NARS2: variants seen among roughly 807,000 people sequenced by gnomAD.
NARS2 encodes the protein asparaginyl-tRNA synthetase.
In NARS2, 60 loss-of-function variants were observed where a neutral mutation model predicts 62.9. The observed-to-expected ratio is 0.95, with a 90% CI of 0.77 to 1.18. The LOEUF (loss-of-function observed/expected upper bound fraction) is 1.18, where lower values mean the gene tolerates loss of function less well. NARS2 is among the 50% of genes most tolerant of loss of function. NARS2 has a pLI of 0.00. For missense variants in NARS2, 619 were observed against 576.4 expected, an observed-to-expected ratio of 1.07 and a Z score of -0.76; for synonymous variants, 196 against 200.0, an observed-to-expected ratio of 0.98 and a Z score of 0.17.
At chr11:78,545,021 T>C (rs1357994032) in intron 5 of NARS2, among the ~76,000 whole-genome samples, 1 of 152,124 alleles carries the variant, frequency 6.6e-6, no homozygotes, top group Non-Finnish European at 1.5e-5. Context: ...GTTTAAGTCC[T>C]AATTTATAGT....
At chr11:78,463,650 C>T (rs1372114494) in intron 11 of NARS2, among the ~76,000 whole-genome samples, 1 of 148,308 alleles carries the variant, frequency 6.7e-6, no homozygotes, top group African/African-American at 2.5e-5. Flanking sequence ...CACGCCATTG[C>T]ACCCCAGCCT....
At chr11:78,549,692 T>C (rs1856020634) in intron 5 of NARS2, among the ~76,000 whole-genome samples, 1 of 152,122 alleles carries the variant, frequency 6.6e-6, no homozygotes, top group South Asian at 2.1e-4. Context: ...TTGAAAACAA[T>C]AGCACAATCA....
chr11:78,458,036 G>A (rs957593498), intron 11 of NARS2, among the ~76,000 whole-genome samples: 2 of 152,116 alleles, frequency 1.3e-5, no homozygotes, highest in Non-Finnish European at 2.9e-5. Context: ...TAGGAGGAAT[G>A]AGTGCTGGTA....
intron 5 of NARS2, among the ~76,000 whole-genome samples, chr11:78,556,193 T>G (rs1274380661): frequency 6.6e-6 from 1 of 152,188 alleles, no homozygotes; most frequent in East Asian, 1.9e-4. Flanking sequence ...ACATTATTGC[T>G]CTTACCTGGA....
rs957086603 is a variant in NARS2 at position 78,574,844 on chromosome 11, C to G, written c.-356G>C. ...CCACTCCTACCACACCACGCCAACG[C>G]CGCTTACGTCATCACGCTACGGGGA... is the stretch of plus-strand genomic sequence containing the variant. On this transcript the variant is annotated 5_prime_UTR_variant, in exon 1 of 14. Coordinates refer to ENST00000281038, the MANE Select transcript of NARS2 (RefSeq NM_024678.6). 4.3e-6 allele frequency: 1 copy of G among 232,730 alleles called. No individual in the cohort carries two copies. The highest frequency in any genetic ancestry group is 2.3e-5 in the African/African-American group (1 of 43,624). The allele number at this position is 232,730 out of a possible 1,614,324, so 14.4% of individuals were successfully genotyped here. A position where few individuals can be genotyped will look rare whatever the true frequency, so the allele number is the denominator to read the frequency against.
rs1458223823 is a variant in NARS2, at chr11:78,436,595, A to G, written c.*75T>C. ...AAATCTGCATTTCTAAAATCCAAACATGCATTCTGCTGTATGCACAATCAT... is the reference window on the plus strand; with the variant it reads ...AAATCTGCATTTCTAAAATCCAAACGTGCATTCTGCTGTATGCACAATCAT... On this transcript the variant is annotated 3_prime_UTR_variant, in exon 14 of 14. Coordinates refer to ENST00000281038, the MANE Select transcript of NARS2 (RefSeq NM_024678.6). 2 of 1,437,216 alleles carry G rather than the reference A, an allele frequency of 1.4e-6. No homozygotes were observed. Among genetic ancestry groups the G allele is most frequent in the African/African-American group, 2.9e-5 (2 of 70,136 alleles). The allele number at this position is 1,437,216 out of a possible 1,614,324, so 89.0% of individuals were successfully genotyped here. A position where few individuals can be genotyped will look rare whatever the true frequency, so the allele number is the denominator to read the frequency against.
At chr11:78,570,337 G>A (rs1249421161) in intron 2 of NARS2, among the ~76,000 whole-genome samples, 2 of 152,106 alleles carry the variant, frequency 1.3e-5, no homozygotes, top group African/African-American at 4.8e-5. Context: ...TAACAAATTA[G>A]AATAATGTTC....
chr11:78,515,550 G>C (rs1041687971), intron 6 of NARS2, among the ~76,000 whole-genome samples: 10 of 152,092 alleles, frequency 6.6e-5, no homozygotes, highest in Non-Finnish European at 1.0e-4. Context: ...ACAGGGTCTG[G>C]TTCTGTTACT....
intron 5 of NARS2, among the ~76,000 whole-genome samples, chr11:78,558,837 C>T (rs1395462947): frequency 6.6e-6 from 1 of 152,138 alleles, no homozygotes; most frequent in Non-Finnish European, 1.5e-5. Context: ...ATGATATTCA[C>T]ATGTATACTC....
chr11:78,516,787 C>G (rs1303880379), intron 6 of NARS2, among the ~76,000 whole-genome samples: 1 of 152,048 alleles, frequency 6.6e-6, no homozygotes, highest in East Asian at 1.9e-4. Flanking sequence ...GATAGAAACC[C>G]CTTTCCAATA....
At chr11:78,531,425 C>T (rs543490881) in intron 5 of NARS2, among the ~76,000 whole-genome samples, 6 of 151,778 alleles carry the variant, frequency 4.0e-5, no homozygotes, top group Non-Finnish European at 8.8e-5. Context: ...TAAGGGGTTG[C>T]GGTTACTAGG....
chr11:78,492,634 G>C (rs1345505431), intron 7 of NARS2, among the ~76,000 whole-genome samples: 1 of 152,162 alleles, frequency 6.6e-6, no homozygotes, highest in Non-Finnish European at 1.5e-5. Context: ...AAGTATTACA[G>C]ACATTTATAT....
intron 10 of NARS2, among the ~76,000 whole-genome samples, chr11:78,467,332 A>G (rs1450320933): frequency 6.6e-6 from 1 of 152,160 alleles, no homozygotes; most frequent in Non-Finnish European, 1.5e-5. Flanking sequence ...GCTTGAGCAC[A>G]GAAGCCCGAG....
intron 12 of NARS2, among the ~76,000 whole-genome samples, chr11:78,443,321 C>A (rs7952523): frequency 7.5e-6 from 1 of 133,072 alleles, no homozygotes; most frequent in African/African-American, 3.2e-5. Context: ...AGCAAGACTC[C>A]GTCTCAAAAA....
chr11:78,461,602 T>TAAAAA lies in NARS2; in HGVS notation c.1164+4269_1164+4273dup, dbSNP rs59664343. Among the ~76,000 whole-genome samples the TAAAAA allele has an allele frequency of 1.0e-3, 64 of 64,066 alleles. 3 individuals are homozygous for TAAAAA. Among genetic ancestry groups the TAAAAA allele is most frequent in the African/African-American group, 3.8e-3 (63 of 16,406 alleles). 42.0% of individuals were successfully genotyped at this position (64,066 alleles called of 152,430 possible). ...GAATGAGTGGGAGATGCTGTGCTGG[T>TAAAAA]AAAAAAAAAAAAAAAAAAAAAAAAA... is the stretch of plus-strand genomic sequence containing the variant. On this transcript the variant is annotated intron_variant, in intron 11 of 13. Coordinates refer to ENST00000281038, the MANE Select transcript of NARS2 (RefSeq NM_024678.6).
chr11:78,511,102 G>A (rs1174942095), intron 6 of NARS2, among the ~76,000 whole-genome samples: 1 of 152,046 alleles, frequency 6.6e-6, no homozygotes, highest in East Asian at 1.9e-4. Flanking sequence ...TTTTCAGACA[G>A]GGTCTTATTC....
intron 9 of NARS2, among the ~76,000 whole-genome samples, chr11:78,472,240 TCTC>T (rs771930400): frequency 1.3e-5 from 2 of 152,188 alleles, no homozygotes; most frequent in African/African-American, 4.8e-5. Context: ...TAATATCTCT[TCTC>T]CTTTCCAGAA....
chr11:78,513,915 T>A (rs1860811020), intron 6 of NARS2, among the ~76,000 whole-genome samples: 1 of 152,022 alleles, frequency 6.6e-6, no homozygotes, highest in Non-Finnish European at 1.5e-5. Context: ...GGTTCTCATG[T>A]GATGTGATCA....
rs1044056771 is a variant in NARS2, at chr11:78,574,497, C to A, written c.-9G>T. 6.2e-7 allele frequency: 1 copy of A among 1,605,490 alleles called. No individual in the cohort carries two copies. Among genetic ancestry groups the A allele is most frequent in the Non-Finnish European group, 8.5e-7 (1 of 1,176,560 alleles). ...CAGCGGACCCCCAGCATCCCGCGTCCGCCCAGGCCCTCCGCGGGAGCAGCC... is the reference window on the plus strand; with the variant it reads ...CAGCGGACCCCCAGCATCCCGCGTCAGCCCAGGCCCTCCGCGGGAGCAGCC... On this transcript the variant is annotated 5_prime_UTR_variant, in exon 1 of 14. Coordinates refer to ENST00000281038, the MANE Select transcript of NARS2 (RefSeq NM_024678.6).
Sources: gnomAD v4.1 joint callset for allele counts (sites outside exome capture counted in the v4.1 genomes callset) on GRCh38, gnomAD v4.1.1 for gene constraint, MANE v1.5 for transcripts, NCBI Gene and HGNC (gene_info 2026-07-23, HGNC 2026-07-21) for gene names.